The following ZNF800 variants were observed in gnomAD, a reference collection of about 807,000 sequenced individuals.
The protein encoded by ZNF800 is zinc finger protein 800.
ZNF800 carries 13 observed loss-of-function variants against 59.5 expected under a neutral mutation model. The ratio of observed to expected loss-of-function variants is 0.22; its 90% CI spans 0.14 to 0.35. ZNF800 has a LOEUF of 0.35. Among genes scored for constraint, ZNF800 ranks in the 10% least tolerant of loss-of-function variants. The probability of loss-of-function intolerance (pLI) is 1.00; values close to 1 mark genes in which losing one functional copy is unlikely to be tolerated. For synonymous variants in ZNF800, 266 were observed against 265.7 expected (o/e 1.00, Z -0.01); for missense variants, 621 against 783.7 (o/e 0.79, Z 2.48).
chr7:127,379,844 A>ACCCCCCCC (rs1562907457), intron 3 of ZNF800, among the ~76,000 whole-genome samples: 1 of 13,934 alleles, frequency 7.2e-5, no homozygotes, highest in African/African-American at 2.7e-4. Flanking sequence ...CCACCCCCCC[A>ACCCCCCCC]CCCCCCCACC....
At position 127,373,482 on chromosome 7, in the gene ZNF800, G is replaced by A. The variant is rs772201913; in HGVS notation, c.1854C>T (p.His618=). The A allele has an allele frequency of 1.2e-6, 2 of 1,613,982 alleles. No individual in the cohort carries two copies. The highest frequency in any genetic ancestry group is 1.3e-5 in the African/African-American group (1 of 74,910). Residue 618 remains histidine (H), a synonymous_variant, in exon 5 of 6, where the codon CAC becomes CAT. Transcript: ENST00000265827. ...EVKVTKNFSL[H]RCNKCGKAFA... is the part of the protein sequence containing the mutation. ...ATGCCTTTCCACATTTATTGCATCT[G>A]TGAAGAGAAAAGTTTTTTGTGACTT...
chr7:127,379,484 G>T (rs775488100), intron 3 of ZNF800, among the ~76,000 whole-genome samples: 1 of 152,014 alleles, frequency 6.6e-6, no homozygotes. Flanking sequence ...ATGTGAACTC[G>T]GTTTAACTTA....
intron 1 of ZNF800, among the ~76,000 whole-genome samples, chr7:127,357,571 T>C (rs1322867857): frequency 1.3e-5 from 2 of 152,012 alleles, no homozygotes; most frequent in Non-Finnish European, 2.9e-5. Context: ...ATCATGAAAA[T>C]TCCTGGACAG....
chr7:127,378,716 C>CGT (rs1445227289), intron 3 of ZNF800, among the ~76,000 whole-genome samples: 1 of 53,760 alleles, frequency 1.9e-5, no homozygotes, highest in Non-Finnish European at 3.3e-5. Context: ...ACCCCCACAA[C>CGT]ATACACACAC....
At chr7:127,384,143 C>T (rs1801058057) in intron 3 of ZNF800, among the ~76,000 whole-genome samples, 1 of 150,580 alleles carries the variant, frequency 6.6e-6, no homozygotes, top group Non-Finnish European at 1.5e-5. Context: ...ATTCTGTACC[C>T]ACACAGATTT....
intron 3 of ZNF800, among the ~76,000 whole-genome samples, chr7:127,383,151 CA>C (rs1487536474): frequency 6.6e-6 from 1 of 152,160 alleles, no homozygotes; most frequent in Non-Finnish European, 1.5e-5. Flanking sequence ...AAGTGGTGGA[CA>C]TTAAAAATGA....
chr7:127,373,082 A>T, intron 5 of ZNF800: 3 of 985,438 alleles, frequency 3.0e-6, no homozygotes, highest in Non-Finnish European at 3.6e-6. Context: ...GAAAGCACTG[A>T]CCCTGTGCCA....
At position 127,374,888 on chromosome 7, in the gene ZNF800, T is replaced by C. The variant is rs1800745691; in HGVS notation, c.448A>G (p.Thr150Ala). The change falls in exon 5 of 6, where the codon ACT becomes GCT. Residue 150 changes from threonine (T) to alanine (A), a missense_variant. This residue lies in a region of ZNF800 where 218 missense variants were observed against 230.8 expected (regional missense o/e 0.94). Transcript: ENST00000265827. ...QNAVFQYISR[T>A]DNPIEVTESS... ...TCTGTGACTTCAATAGGATTATCAGTCCTCGAAATATATTGAAATACTGCA... is the reference window on the plus strand; with the variant it reads ...TCTGTGACTTCAATAGGATTATCAGCCCTCGAAATATATTGAAATACTGCA... 6.2e-7 allele frequency: 1 copy of C among 1,613,992 alleles called. No individual in the cohort carries two copies. The highest frequency in any genetic ancestry group is 8.5e-7 in the Non-Finnish European group (1 of 1,179,920).
At chr7:127,369,014 G>C (rs1231912813), downstream of ZNF800, among the ~76,000 whole-genome samples, 3 of 145,584 alleles carry the variant, frequency 2.1e-5, no homozygotes, top group East Asian at 2.1e-4. Context: ...GTAAAGGGGA[G>C]GGGGAGGGAA....
intron 2 of ZNF800, among the ~76,000 whole-genome samples, chr7:127,388,780 C>T (rs1256355145): frequency 6.6e-6 from 1 of 152,238 alleles, no homozygotes; most frequent in African/African-American, 2.4e-5. Context: ...ATTAGCTTAG[C>T]TGTGCCTGGA....
intron 4 of ZNF800, among the ~76,000 whole-genome samples, chr7:127,375,583 T>A (rs938345358): frequency 6.6e-6 from 1 of 152,102 alleles, no homozygotes; most frequent in Non-Finnish European, 1.5e-5. Flanking sequence ...GGATGATGTG[T>A]AGAAGTATTT....
intron 1 of ZNF800, among the ~76,000 whole-genome samples, chr7:127,348,353 T>C (rs1219096040): frequency 6.7e-6 from 1 of 149,754 alleles, no homozygotes; most frequent in South Asian, 2.1e-4. Context: ...GGAATAATTA[T>C]GAATACCTAC....
rs139995125 is a variant in ZNF800, at chr7:127,374,524, T to C, written c.812A>G (p.Asn271Ser). ...CTTACTGCGTCCTTTAGAGGATTGG[T>C]TTGGATTCTTTCGTGTTTCAATGTA... ...KKYIETRKNP[N>S]QSSKGRSKNV... The change falls in exon 5 of 6, where the codon AAC (asparagine) becomes AGC (serine). Residue 271 changes from asparagine to serine, a missense_variant. Transcript: ENST00000265827. The C allele has an allele frequency of 1.1e-4, 174 of 1,614,034 alleles. No homozygotes were observed. The highest frequency in any genetic ancestry group is 1.3e-4 in the Non-Finnish European group (155 of 1,180,006).
chr7:127,374,591 T>G lies in ZNF800; in HGVS notation c.745A>C (p.Ile249Leu), dbSNP rs190331810. Residue 249 changes from isoleucine (I) to leucine (L), a missense_variant, in exon 5 of 6, where the codon ATT becomes CTT. Transcript: ENST00000265827. The stretch of plus-strand genomic sequence containing the variant: ...ATCTTTTTCTTGTGTACTTTTCGAA[T>G]GTGACGGCGAACACCTCGTCTAGAA... ...FNSRRGVRRHIRKVHKKKMEE... is the reference protein window; with the variant it reads ...FNSRRGVRRHLRKVHKKKMEE... 1.9e-4 allele frequency: 302 copies of G among 1,614,154 alleles called. 1 individual carries two copies. Among genetic ancestry groups the G allele is most frequent in the Non-Finnish European group, 1.4e-5 (17 of 1,179,984 alleles).
At chr7:127,367,132 AT>A (rs1281133465), downstream of ZNF800, among the ~76,000 whole-genome samples, 3 of 151,644 alleles carry the variant, frequency 2.0e-5, no homozygotes, top group Non-Finnish European at 2.9e-5. Context: ...AGTTGCACTG[AT>A]TTTTTTTTCT....
In ZNF800 at chr7:127,374,976, T is replaced by C. The variant is rs760195863; in HGVS notation, c.360A>G (p.Ile120Met). The C allele has an allele frequency of 1.2e-6, 2 of 1,611,702 alleles. No homozygotes were observed. Among genetic ancestry groups the C allele is most frequent in the South Asian group, 2.2e-5 (2 of 90,834 alleles). ...SQAINDLLEAIYPSVDKREYI... is the reference protein window; with the variant it reads ...SQAINDLLEAMYPSVDKREYI... ...ATTCTCGTTTGTCCACACTTGGATA[T>C]ATGGCTTCTAGGAGATCATTTATGG... Residue 120 changes from isoleucine to methionine, a missense_variant, in exon 5 of 6, where the codon ATA (isoleucine) becomes ATG (methionine). Transcript: ENST00000265827.
rs1283237340 is a variant in ZNF800 at position 127,373,584 on chromosome 7, A to G, written c.1752T>C (p.His584=). Residue 584 remains histidine, a synonymous_variant, in exon 5 of 6, where the codon CAT becomes CAC. Transcript: ENST00000265827. ...AAGTGCCATCATGTTTTGAATCACTATGTTTTGCTTCATCCCTCGAAGGGC... is the reference window on the plus strand; with the variant it reads ...AAGTGCCATCATGTTTTGAATCACTGTGTTTTGCTTCATCCCTCGAAGGGC... The part of the protein sequence containing the change: ...KRGPSRDEAK[H]SDSKHDGTSN... The G allele has an allele frequency of 4.3e-6, 7 of 1,614,070 alleles. No individual in the cohort carries two copies. Among genetic ancestry groups the G allele is most frequent in the South Asian group, 3.3e-5 (3 of 91,080 alleles).
intron 1 of ZNF800, among the ~76,000 whole-genome samples, chr7:127,354,785 A>G (rs931762463): frequency 6.6e-6 from 1 of 152,136 alleles, no homozygotes; most frequent in Non-Finnish European, 1.5e-5. Context: ...TTGTGCAATC[A>G]CTTACCTCAA....
intron 3 of ZNF800, among the ~76,000 whole-genome samples, chr7:127,381,354 C>T (rs1462185557): frequency 2.0e-5 from 3 of 152,056 alleles, no homozygotes; most frequent in African/African-American, 7.2e-5. Context: ...TACTGATCAT[C>T]CTTAACGTAA....
Sources: allele counts gnomAD v4.1 joint callset (sites outside exome capture counted in the v4.1 genomes callset), GRCh38; gene constraint gnomAD v4.1.1; regional missense constraint gnomAD v4.1.1; transcripts MANE v1.5; gene names NCBI Gene and HGNC (gene_info 2026-07-23, HGNC 2026-07-21).